Variants in SMARCA2 observed in about 807,000 individuals in gnomAD.
SMARCA2 encodes the protein SWI/SNF-related matrix-associated actin-dependent regulator of chromatin subfamily A member 2.
SMARCA2 carries 61 observed loss-of-function variants against 199.8 expected under a neutral mutation model. The ratio of observed to expected loss-of-function variants is 0.31; its 90% CI spans 0.25 to 0.38. SMARCA2 has a LOEUF of 0.38. Among genes scored for constraint, SMARCA2 ranks in the 10% least tolerant of loss-of-function variants. The pLI, the probability that SMARCA2 is intolerant of heterozygous loss-of-function variation, is 1.00. For synonymous variants in SMARCA2, 935 were observed against 732.0 expected (o/e 1.28, Z -4.48); for missense variants, 1,344 against 2,012.2 (o/e 0.67, Z 6.35).
At chr9:2,158,900 TG>T (rs1825516931) in intron 27 of SMARCA2, 2 of 1,603,618 alleles carry the variant, frequency 1.2e-6, no homozygotes, top group Admixed American at 3.4e-5. Flanking sequence ...TGGATGTGTT[TG>T]GGGTCTTTGG....
chr9:2,135,688 T>G (rs971439799), intron 27 of SMARCA2, among the ~76,000 whole-genome samples: 7 of 151,972 alleles, frequency 4.6e-5, no homozygotes, highest in African/African-American at 1.5e-4. Flanking sequence ...ATTAAAGGTG[T>G]GTGCCACAAT....
rs529487506 is a variant in SMARCA2, at chr9:2,161,382, T to C, written c.3982-304T>C. Reference sequence around the variant, plus strand: ...GAGCTAAAATTTCATCTGGATTCAGTTATCATCAAACACTTGAATTTATAG... The same window carrying C: ...GAGCTAAAATTTCATCTGGATTCAGCTATCATCAAACACTTGAATTTATAG... On this transcript the variant is annotated intron_variant, in intron 27 of 33. Transcript: ENST00000349721. The surrounding 1 kb of genome is among the most constrained non-coding windows in gnomAD (Gnocchi z 4.7). 1.1e-4 allele frequency among the ~76,000 whole-genome samples: 16 copies of C among 152,310 alleles called. No individual in the cohort carries two copies. Among genetic ancestry groups the C allele is most frequent in the Admixed American group, 9.2e-4 (14 of 15,292 alleles).
In SMARCA2 at chr9:2,039,491, A is replaced by C; in HGVS notation, c.381A>C (p.Pro127=). Residue 127 remains proline, a synonymous_variant, in exon 4 of 34, where the codon CCA becomes CCC. Coordinates refer to ENST00000349721, the MANE Select transcript of SMARCA2 (RefSeq NM_003070.5). The surrounding 1 kb of genome is among the most constrained non-coding windows in gnomAD (Gnocchi z 4.8). ...SQGYMSPHPS[P]LGAPEHVSSP... is the part of the protein sequence containing the mutation. ...GTTATATGTCACCACACCCATCTCCATTAGGAGCCCCAGAGCACGTCTCCA... is the reference window on the plus strand; with the variant it reads ...GTTATATGTCACCACACCCATCTCCCTTAGGAGCCCCAGAGCACGTCTCCA... 6.2e-7 allele frequency: 1 copy of C among 1,613,888 alleles called. No homozygotes were observed. Among genetic ancestry groups the C allele is most frequent in the African/African-American group, 1.3e-5 (1 of 74,984 alleles).
At chr9:2,049,030 C>G (rs1181514955) in intron 5 of SMARCA2, among the ~76,000 whole-genome samples, 1 of 151,914 alleles carries the variant, frequency 6.6e-6, no homozygotes. Context: ...TTTTTCCTAC[C>G]CTAGGAAAGG....
Position 2,186,170 on chromosome 9 carries a change from TGAGGATGAAAGCAATGAAGAG to T in SMARCA2, c.4542_4562del (p.Asp1514_Glu1520del). On this transcript the variant is annotated inframe_deletion, in exon 32 of 34. Transcript: ENST00000349721. ...AGAAAATTGCCAAAGAGGAAGAGAG[TGAGGATGAAAGCAATGAAGAG>T]GAGGAAGAGGAAGATGAAGAAGAGT... 6 of 1,613,184 alleles carry T rather than the reference TGAGGATGAAAGCAATGAAGAG, an allele frequency of 3.7e-6. No individual in the cohort carries two copies. Among genetic ancestry groups the T allele is most frequent in the Non-Finnish European group, 5.1e-6 (6 of 1,179,732 alleles).
chr9:2,070,423 T>A lies in SMARCA2; in HGVS notation c.1698T>A (p.Ala566=). The part of the protein sequence containing the change: ...KKKRRRRKKK[A]EENAEGGESA... ...TCGACATTGTTGTTTTGCAGAAGGC[T>A]GAGGAGAATGCAGAGGGTGGGGAGT... The change falls in exon 10 of 34, where the codon GCT becomes GCA. Residue 566 remains alanine, a synonymous_variant. Coordinates refer to ENST00000349721, the MANE Select transcript of SMARCA2 (RefSeq NM_003070.5). 6.2e-7 allele frequency: 1 copy of A among 1,613,836 alleles called. No individual in the cohort carries two copies.
At chr9:2,094,688 G>A (rs551846533) in intron 19 of SMARCA2, among the ~76,000 whole-genome samples, 2 of 152,308 alleles carry the variant, frequency 1.3e-5, no homozygotes, top group African/African-American at 4.8e-5. Flanking sequence ...CTAAACCTCT[G>A]TGGTGCTCAG....
At chr9:2,121,840 T>G (rs1586727203) in intron 26 of SMARCA2, among the ~76,000 whole-genome samples, 1 of 152,202 alleles carries the variant, frequency 6.6e-6, no homozygotes, top group Non-Finnish European at 1.5e-5. Context: ...GATAAGTATC[T>G]GAGACATTTT....
Position 2,159,874 on chromosome 9 carries a change from G to A in SMARCA2, c.3982-1812G>A, listed in dbSNP as rs771727258. The A allele has an allele frequency of 3.1e-6, 5 of 1,611,952 alleles. No individual in the cohort carries two copies. In the African/African-American group the frequency reaches 5.3e-5, roughly 17 times the overall value. ...CTTGTTAATTTTATCCCCACTAACTGTGATTTCTGATAGCCGGCCTGCTGA... is the reference window on the plus strand; with the variant it reads ...CTTGTTAATTTTATCCCCACTAACTATGATTTCTGATAGCCGGCCTGCTGA... On this transcript the variant is annotated intron_variant, in intron 27 of 33. Coordinates refer to ENST00000349721, the MANE Select transcript of SMARCA2 (RefSeq NM_003070.5).
intron 22 of SMARCA2, among the ~76,000 whole-genome samples, chr9:2,102,394 T>C (rs535517975): frequency 1.3e-5 from 2 of 152,226 alleles, no homozygotes; most frequent in African/African-American, 4.8e-5. Flanking sequence ...TATAGGGTAT[T>C]TGGAGAACAG....
intron 27 of SMARCA2, among the ~76,000 whole-genome samples, chr9:2,148,310 GAGC>G (rs1208145158): frequency 6.6e-6 from 1 of 151,592 alleles, no homozygotes. Context: ...CAAATGGCAA[GAGC>G]AGAGTGGCCT....
chr9:2,173,500 A>T (rs1826371013), intron 29 of SMARCA2, among the ~76,000 whole-genome samples: 1 of 152,156 alleles, frequency 6.6e-6, no homozygotes, highest in South Asian at 2.1e-4. Context: ...GACCAATTAG[A>T]TACACTTCTG....
intron 27 of SMARCA2, among the ~76,000 whole-genome samples, chr9:2,133,242 T>C (rs1276729403): frequency 1.3e-5 from 2 of 152,216 alleles, no homozygotes; most frequent in Non-Finnish European, 2.9e-5. Flanking sequence ...TATTATATTT[T>C]AGAAATAATA....
At chr9:2,177,384 A>C (rs998605086) in intron 29 of SMARCA2, among the ~76,000 whole-genome samples, 2 of 152,160 alleles carry the variant, frequency 1.3e-5, no homozygotes, top group Non-Finnish European at 2.9e-5. Flanking sequence ...AATTTATTTC[A>C]GCTATGGTTA....
intron 29 of SMARCA2, chr9:2,181,334 C>CCCATATTGTATGTGTGACAGAAGTGGGGA (rs1827008835): frequency 2.6e-6 from 1 of 381,954 alleles, no homozygotes; most frequent in Non-Finnish European, 4.7e-6. Context: ...CAGTGTATTT[C>CCCATATTGTATGTGTGACAGAAGTGGGGA]CCATATTGTA....
At position 2,186,082 on chromosome 9, in the gene SMARCA2, C is replaced by CT. The variant is rs1563841494; in HGVS notation, c.4462-11dup. ...CAGCTTGCAGTTTTAACAGATGCCC[C>CT]TTTGACCATTTAGATCTATGAAGAC... On this transcript the variant is annotated splice_polypyrimidine_tract_variant and intron_variant, in intron 31 of 33. Coordinates refer to ENST00000349721, the MANE Select transcript of SMARCA2 (RefSeq NM_003070.5). The CT allele has an allele frequency of 6.2e-7, 1 of 1,613,034 alleles. No homozygotes were observed. Among genetic ancestry groups the CT allele is most frequent in the East Asian group, 2.2e-5 (1 of 44,828 alleles).
intron 12 of SMARCA2, among the ~76,000 whole-genome samples, chr9:2,074,766 C>G (rs1429127095): frequency 1.3e-5 from 2 of 152,156 alleles, no homozygotes; most frequent in East Asian, 3.9e-4. Context: ...ACTCGGGAGG[C>G]TGAGGTAGGA....
At position 2,119,585 on chromosome 9, in the gene SMARCA2, T is replaced by C. The variant is rs748059121; in HGVS notation, c.3762+50T>C. 7.8e-7 allele frequency: 1 copy of C among 1,283,244 alleles called. No homozygotes were observed. Among genetic ancestry groups the C allele is most frequent in the East Asian group, 2.3e-5 (1 of 42,900 alleles). The allele number at this position is 1,283,244 out of a possible 1,614,324, so 79.5% of individuals were successfully genotyped here. ...ACAAATGCTTTATACCTCTGCCCCTTTTTCTGTTAAGCAGAATGTCTGCAG... is the reference window on the plus strand; with the variant it reads ...ACAAATGCTTTATACCTCTGCCCCTCTTTCTGTTAAGCAGAATGTCTGCAG... On this transcript the variant is annotated intron_variant, in intron 26 of 33. Transcript: ENST00000349721. This position sits in a 1 kb window ranked among gnomAD's most constrained non-coding sequence, Gnocchi z 4.6.
intron 21 of SMARCA2, 43 bp downstream of exon 21, chr9:2,097,514 T>G: frequency 9.0e-7 from 1 of 1,111,294 alleles, no homozygotes; most frequent in South Asian, 1.4e-5. Context: ...GTGCTAATCA[T>G]ACTAATGCTA....
Sources: allele counts gnomAD v4.1 joint callset (sites outside exome capture counted in the v4.1 genomes callset), GRCh38; gene constraint gnomAD v4.1.1; non-coding constraint Gnocchi (gnomAD v3.1); transcripts MANE v1.5; gene names NCBI Gene and HGNC (gene_info 2026-07-23, HGNC 2026-07-21).